ANXA11: variants seen among roughly 807,000 people sequenced by gnomAD.
ANXA11 encodes annexin A11.
In ANXA11, 57 loss-of-function variants were observed where a neutral mutation model predicts 64.7. The observed-to-expected ratio is 0.88, with a 90% CI of 0.71 to 1.10. ANXA11 has a LOEUF of 1.10. Among genes scored for constraint, ANXA11 ranks in the 50% least tolerant of loss-of-function variants. The probability of loss-of-function intolerance (pLI) is 0.00; values close to 1 mark genes in which losing one functional copy is unlikely to be tolerated. For missense variants in ANXA11, 675 were observed against 670.7 expected, an observed-to-expected ratio of 1.01 and a Z score of -0.07; for synonymous variants, 260 against 265.2, an observed-to-expected ratio of 0.98 and a Z score of 0.19.
At chr10:80,161,183 C>G (rs545429824) in intron 12 of ANXA11, among the ~76,000 whole-genome samples, 4 of 152,204 alleles carry the variant, frequency 2.6e-5, no homozygotes, top group Non-Finnish European at 4.4e-5. Context: ...GCCCTCTCCC[C>G]TCTCTGCCCT....
chr10:80,197,766 CA>C (rs200750203), intron 1 of ANXA11, among the ~76,000 whole-genome samples: 4 of 151,898 alleles, frequency 2.6e-5, no homozygotes, highest in African/African-American at 7.2e-5. Flanking sequence ...ACTAAAAATA[CA>C]AAAAAAATTA....
At position 80,171,024 on chromosome 10, in the gene ANXA11, G is replaced by C. The variant is rs753555767; in HGVS notation, c.56-109C>G. The C allele has an allele frequency of 4.6e-6, 7 of 1,517,460 alleles. No individual in the cohort carries two copies. The South Asian group carries it at 5.0e-5, about 11-fold the overall frequency. 94.0% of individuals were successfully genotyped at this position (1,517,460 alleles called of 1,614,324 possible). ...AGAAAGGGAGGCCCAGTAAAGCCTC[G>C]AGCCTCGAGCCTCGGGACACCACAG... is the stretch of plus-strand genomic sequence containing the variant. On this transcript the variant is annotated intron_variant, in intron 3 of 15. Coordinates refer to ENST00000422982, the MANE Select transcript of ANXA11 (RefSeq NM_145868.2).
At chr10:80,184,018 C>T (rs974774850) in intron 1 of ANXA11, among the ~76,000 whole-genome samples, 3 of 152,112 alleles carry the variant, frequency 2.0e-5, no homozygotes, top group Admixed American at 1.3e-4. Flanking sequence ...TAATAATGGT[C>T]GACTTTTTTC....
chr10:80,175,848 GGAGTTC>G (rs1415881800), intron 2 of ANXA11, among the ~76,000 whole-genome samples: 3 of 152,160 alleles, frequency 2.0e-5, no homozygotes, highest in Non-Finnish European at 4.4e-5. Context: ...CCTGAGGTCA[GGAGTTC>G]GAGACCAGCC....
intron 5 of ANXA11, 55 bp from the exon 6 acceptor site, chr10:80,167,368 T>A: frequency 6.7e-7 from 1 of 1,498,822 alleles, no homozygotes; most frequent in Non-Finnish European, 9.3e-7. Flanking sequence ...TTCCCCACAT[T>A]CAAGGCTGCT....
chr10:80,166,981 G>A lies in ANXA11; in HGVS notation c.653C>T (p.Thr218Met), dbSNP rs763964010. 12 of 1,596,806 alleles carry A rather than the reference G, an allele frequency of 7.5e-6. No individual in the cohort carries two copies. The highest frequency in any genetic ancestry group is 4.0e-5 in the African/African-American group (3 of 74,474). ...GCAGTCAATGATGGCCTGCTCATCC[G>A]TCCCTGGAGGAAGAGGCAGCAGGGG... ...VLRKAMKGFG[T>M]DEQAIIDCLG... Residue 218 changes from threonine (T) to methionine (M), a missense_variant, in exon 7 of 16, where the codon ACG (threonine) becomes ATG (methionine). Transcript: ENST00000422982.
chr10:80,168,285 C>CGT (rs1051128056), intron 5 of ANXA11, among the ~76,000 whole-genome samples: 11 of 148,674 alleles, frequency 7.4e-5, no homozygotes, highest in Admixed American at 2.7e-4. Flanking sequence ...ATCAAGGGAC[C>CGT]GAAGACAGCT....
rs540082615 is a variant in ANXA11, at chr10:80,192,459, A to G, written c.-58+12884T>C. On this transcript the variant is annotated intron_variant, in intron 1 of 15. Transcript: ENST00000422982. ...AGAGGACAAAAATATAATCAATAAT[A>G]TCCTCAGAGATAGAAGAGAACCAAA... Among the ~76,000 whole-genome samples the G allele has an allele frequency of 1.5e-3, 233 of 152,376 alleles. No individual in the cohort carries two copies. In the Middle Eastern group the frequency reaches 0.017, roughly 11 times the overall value.
chr10:80,198,638 C>A (rs1045924528), intron 1 of ANXA11, among the ~76,000 whole-genome samples: 1 of 152,170 alleles, frequency 6.6e-6, no homozygotes, highest in Non-Finnish European at 1.5e-5. Flanking sequence ...AAAACCACAG[C>A]CCTTGAGAAT....
intron 3 of ANXA11, 72 bp from the exon 4 acceptor site, chr10:80,170,987 T>C: frequency 6.6e-7 from 1 of 1,523,250 alleles, no homozygotes; most frequent in Non-Finnish European, 8.8e-7. Flanking sequence ...AGATGAGAGC[T>C]CCCAGGTGGT....
chr10:80,159,291 C>G, intron 12 of ANXA11, 96 bp from the exon 13 acceptor site: 1 of 965,308 alleles, frequency 1.0e-6, no homozygotes, highest in Admixed American at 1.8e-5. Flanking sequence ...AGAATATAAC[C>G]GTGTTTGGAG....
chr10:80,157,276 A>C, intron 15 of ANXA11: 1 of 985,432 alleles, frequency 1.0e-6, no homozygotes, highest in Non-Finnish European at 1.2e-6. Context: ...TGAGTGCAGG[A>C]AGTGCTTTGT....
At position 80,188,277 on chromosome 10, in the gene ANXA11, C is replaced by A. The variant is rs534128485; in HGVS notation, c.-57-12122G>T. On this transcript the variant is annotated intron_variant, in intron 1 of 15. Coordinates refer to ENST00000422982, the MANE Select transcript of ANXA11 (RefSeq NM_145868.2). The stretch of plus-strand genomic sequence containing the variant: ...ACCGCAGCCCACACAGCTCTGATAT[C>A]ATCTTCTAACACTGCTGCTAGGCCA... Among the ~76,000 whole-genome samples the A allele has an allele frequency of 1.2e-3, 178 of 151,952 alleles. 1 individual carries two copies. Among genetic ancestry groups the A allele is most frequent in the Admixed American group, 2.9e-3 (45 of 15,284 alleles).
Position 80,170,863 on chromosome 10 carries a change from G to A in ANXA11, c.108C>T (p.Pro36=), listed in dbSNP as rs777164786. Residue 36 remains proline, a synonymous_variant, in exon 4 of 16, where the codon CCC becomes CCT. Transcript: ENST00000422982. ...AAYPPPPSMP[P]IGLDNVATYA... ...AGGTGGCCACGTTATCCAGCCCGAT[G>A]GGGGGCATGCTGGGCGGAGGAGGGT... 6 of 1,541,790 alleles carry A rather than the reference G, an allele frequency of 3.9e-6. No homozygotes were observed. In the East Asian group the frequency reaches 7.1e-5, roughly 18 times the overall value.
chr10:80,178,557 A>G (rs1464135380), intron 1 of ANXA11, among the ~76,000 whole-genome samples: 2 of 152,106 alleles, frequency 1.3e-5, no homozygotes, highest in Admixed American at 1.3e-4. Context: ...GCGACCATCC[A>G]CCTGCAGCTG....
At chr10:80,163,240 C>T in intron 11 of ANXA11, 109 bp downstream of exon 11, 1 of 1,243,246 alleles carries the variant, frequency 8.0e-7, no homozygotes, top group Non-Finnish European at 1.2e-6. Context: ...CATCTGCAAC[C>T]CACTGCTTAT....
intron 15 of ANXA11, chr10:80,157,401 C>A: frequency 1.0e-6 from 1 of 985,298 alleles, no homozygotes; most frequent in Non-Finnish European, 1.2e-6. Flanking sequence ...TGGGGAGGTC[C>A]CGAGTGTTCT....
At position 80,161,998 on chromosome 10, in the gene ANXA11, C is replaced by T. The variant is rs781081340; in HGVS notation, c.1117G>A (p.Gly373Arg). Reference protein sequence around the residue: ...ELYAAGENRLGTDESKFNAVL... With the variant: ...ELYAAGENRLRTDESKFNAVL... ...GCATTGAACTTGGACTCGTCTGTTC[C>T]CAGGCGGTTCTCCCCGGCCGCATAC... is the stretch of plus-strand genomic sequence containing the variant. Residue 373 changes from glycine to arginine, a missense_variant, in exon 12 of 16, where the codon GGA (glycine) becomes AGA (arginine). By Grantham distance (125) the Gly-to-Arg change is moderately radical. Transcript: ENST00000422982. The T allele has an allele frequency of 8.1e-6, 13 of 1,612,186 alleles. No homozygotes were observed. Among genetic ancestry groups the T allele is most frequent in the South Asian group, 1.1e-5 (1 of 91,082 alleles).
chr10:80,174,459 C>CA (rs1846094832), intron 2 of ANXA11, among the ~76,000 whole-genome samples: 1 of 151,896 alleles, frequency 6.6e-6, no homozygotes, highest in Admixed American at 6.6e-5. Flanking sequence ...GTATTTTTAG[C>CA]AGAGACAGGG....
Sources: allele counts gnomAD v4.1 joint callset (sites outside exome capture counted in the v4.1 genomes callset), GRCh38; gene constraint gnomAD v4.1.1; transcripts MANE v1.5; gene names NCBI Gene and HGNC (gene_info 2026-07-23, HGNC 2026-07-21).